The following EFHC1 variants were observed in gnomAD, a reference collection of about 807,000 sequenced individuals.
The protein encoded by EFHC1 is EF-hand domain-containing protein 1.
Under a neutral mutation model 69.9 loss-of-function variants are expected in EFHC1, and 53 were observed. The observed-to-expected ratio is 0.76, with a 90% CI of 0.61 to 0.95. EFHC1 has a LOEUF of 0.95. Ranked by LOEUF, EFHC1 falls within the 40% of genes least tolerant of loss-of-function variation. The pLI, the probability that EFHC1 is intolerant of heterozygous loss-of-function variation, is 0.00. For missense variants in EFHC1, 739 were observed against 798.7 expected (o/e 0.93, Z 0.90); for synonymous variants, 256 against 278.4 (o/e 0.92, Z 0.80).
chr6:52,456,290 T>C (rs1221256409), intron 5 of EFHC1, among the ~76,000 whole-genome samples: 2 of 152,222 alleles, frequency 1.3e-5, no homozygotes, highest in Non-Finnish European at 2.9e-5. Context: ...AGAACCGTCT[T>C]AGAGTTCAAT....
intron 9 of EFHC1, chr6:52,483,187 CAT>C (rs1435561440): frequency 6.8e-5 from 16 of 233,902 alleles, no homozygotes; most frequent in Non-Finnish European, 1.1e-4. Context: ...TGCAATTACT[CAT>C]AGTTATTAAC....
chr6:52,440,447 A>G (rs1329244720), intron 3 of EFHC1, among the ~76,000 whole-genome samples: 1 of 152,042 alleles, frequency 6.6e-6, no homozygotes, highest in Admixed American at 6.6e-5. Flanking sequence ...TCACCAACAA[A>G]AAACACAAAA....
At chr6:52,431,861 T>G (rs757958931) in intron 2 of EFHC1, among the ~76,000 whole-genome samples, 7 of 152,198 alleles carry the variant, frequency 4.6e-5, no homozygotes, top group Non-Finnish European at 1.0e-4. Flanking sequence ...AGTAATTGTT[T>G]TATAAATTGG....
intron 9 of EFHC1, chr6:52,488,207 C>G (rs1765826227): frequency 6.6e-6 from 1 of 152,138 alleles, no homozygotes; most frequent in African/African-American, 2.4e-5. Context: ...GGTTTGACTG[C>G]TTTCTGCCAC....
intron 3 of EFHC1, among the ~76,000 whole-genome samples, chr6:52,441,855 T>C (rs569012602): frequency 5.3e-5 from 8 of 152,314 alleles, no homozygotes; most frequent in African/African-American, 1.7e-4. Context: ...TTATTCTTTT[T>C]GTGACAGTTG....
At chr6:52,443,960 T>G (rs895873462) in intron 3 of EFHC1, among the ~76,000 whole-genome samples, 2 of 152,218 alleles carry the variant, frequency 1.3e-5, no homozygotes, top group Non-Finnish European at 2.9e-5. Flanking sequence ...CTCTTTTATT[T>G]CATTGAGCAG....
chr6:52,482,483 T>C (rs1765701991), intron 9 of EFHC1: 1 of 264,540 alleles, frequency 3.8e-6, no homozygotes, highest in Admixed American at 5.3e-5. Flanking sequence ...AGTGTTTTAT[T>C]TCTTTATAAA....
intron 1 of EFHC1, chr6:52,423,608 C>A: frequency 1.9e-6 from 1 of 518,586 alleles, no homozygotes; most frequent in South Asian, 2.8e-5. Flanking sequence ...CTCAAGTGAT[C>A]CTTCCACCTC....
intron 3 of EFHC1, among the ~76,000 whole-genome samples, chr6:52,442,655 A>G (rs1581821906): frequency 1.3e-5 from 2 of 152,176 alleles, no homozygotes; most frequent in African/African-American, 4.8e-5. Context: ...ATAGTATTCC[A>G]TGGTGTATAT....
chr6:52,470,597 T>C (rs934264172), intron 7 of EFHC1, among the ~76,000 whole-genome samples: 1 of 152,242 alleles, frequency 6.6e-6, no homozygotes, highest in Non-Finnish European at 1.5e-5. Context: ...CTAATTGTCT[T>C]GTCCCAGGTC....
intron 9 of EFHC1, 129 bp downstream of exon 9, chr6:52,479,916 CA>C (rs1562462622): frequency 2.8e-6 from 4 of 1,413,646 alleles, no homozygotes; most frequent in Non-Finnish European, 3.9e-6. Context: ...TAGATATAAA[CA>C]GAAGGTTCCC....
At chr6:52,470,107 A>G (rs889437310) in intron 7 of EFHC1, among the ~76,000 whole-genome samples, 1 of 152,178 alleles carries the variant, frequency 6.6e-6, no homozygotes, top group African/African-American at 2.4e-5. Context: ...GAAATAAGTT[A>G]TATCTCAGAA....
At chr6:52,423,403 G>A (rs1264905910) in intron 1 of EFHC1, among the ~76,000 whole-genome samples, 1 of 152,194 alleles carries the variant, frequency 6.6e-6, no homozygotes, top group African/African-American at 2.4e-5. Flanking sequence ...ACAGAGCACA[G>A]CTTTAAATTT....
chr6:52,425,338 G>T (rs904312613), intron 2 of EFHC1, among the ~76,000 whole-genome samples: 7 of 152,178 alleles, frequency 4.6e-5, no homozygotes, highest in Non-Finnish European at 1.0e-4. Flanking sequence ...AAATACAAGA[G>T]AGAAGTGGGA....
In EFHC1 at chr6:52,497,124, G is replaced by A. The variant is rs1022191583; in HGVS notation, c.*4783G>A. The stretch of plus-strand genomic sequence containing the variant: ...GGAGCTTCCTACCCACAAACCCCAT[G>A]TTAAGAAAACCTCTTTTCCACTTTA... On this transcript the variant is annotated 3_prime_UTR_variant, in exon 11 of 11. Coordinates refer to ENST00000371068, the MANE Select transcript of EFHC1 (RefSeq NM_018100.4). 6.9e-6 allele frequency: 1 copy of A among 144,288 alleles called. No individual in the cohort carries two copies. The highest frequency in any genetic ancestry group is 2.5e-5 in the African/African-American group (1 of 40,200). The allele number at this position is 144,288 out of a possible 1,614,324, so 8.9% of individuals were successfully genotyped here. A position where few individuals can be genotyped will look rare whatever the true frequency, so the allele number is the denominator to read the frequency against.
At chr6:52,479,534 C>G in intron 8 of EFHC1, 106 bp from the exon 9 acceptor site, 4 of 1,515,592 alleles carry the variant, frequency 2.6e-6, no homozygotes, top group Non-Finnish European at 3.7e-6. Flanking sequence ...TAGTTTCTGT[C>G]ATAAATGCAT....
chr6:52,441,631 G>A (rs891349042), intron 3 of EFHC1, among the ~76,000 whole-genome samples: 2 of 152,158 alleles, frequency 1.3e-5, no homozygotes, highest in Admixed American at 6.5e-5. Flanking sequence ...TTCTAGTTCT[G>A]TGAAGAGTGT....
intron 9 of EFHC1, 29 bp from the exon 10 acceptor site, chr6:52,490,109 ATG>A (rs781332746): frequency 6.3e-7 from 1 of 1,589,312 alleles, no homozygotes; most frequent in Non-Finnish European, 8.6e-7. Context: ...AATAAATACC[ATG>A]TGCAGTCATT....
At chr6:52,479,494 A>G (rs750872874) in intron 8 of EFHC1, 146 bp from the exon 9 acceptor site, 6 of 1,251,502 alleles carry the variant, frequency 4.8e-6, no homozygotes, top group African/African-American at 1.5e-5. Flanking sequence ...AAACGACTGC[A>G]TATTAGTATG....
Sources: gnomAD v4.1 joint callset for allele counts (sites outside exome capture counted in the v4.1 genomes callset) on GRCh38, gnomAD v4.1.1 for gene constraint, MANE v1.5 for transcripts, NCBI Gene and HGNC (gene_info 2026-07-23, HGNC 2026-07-21) for gene names.